The following ENTREP2 variants were observed in gnomAD, a reference collection of about 807,000 sequenced individuals.
The protein encoded by ENTREP2 is protein ENTREP2.
chr15:29,664,305 C>T, the ENTREP2 span, among the ~76,000 whole-genome samples: 4 of 152,178 alleles, frequency 2.6e-5, no homozygotes, highest in African/African-American at 9.7e-5. Context: ...AGCTAAATTC[C>T]TCTATCTCTT....
chr15:29,368,204 A>G, the ENTREP2 span, among the ~76,000 whole-genome samples: 1 of 151,976 alleles, frequency 6.6e-6, no homozygotes, highest in African/African-American at 2.4e-5. Context: ...ACATGCCTGT[A>G]ATTCCAGCTA....
At chr15:29,188,547 A>T in the ENTREP2 span, among the ~76,000 whole-genome samples, 2 of 152,106 alleles carry the variant, frequency 1.3e-5, no homozygotes, top group Non-Finnish European at 2.9e-5. Flanking sequence ...TCTGAGAATG[A>T]TGGTTTCCAG....
the ENTREP2 span, among the ~76,000 whole-genome samples, chr15:29,334,429 T>C: frequency 6.6e-6 from 1 of 152,212 alleles, no homozygotes; most frequent in Non-Finnish European, 1.5e-5. Flanking sequence ...CAGTTAAGAA[T>C]TTCCTAGCTG....
the ENTREP2 span, among the ~76,000 whole-genome samples, chr15:29,125,896 G>A: frequency 6.6e-6 from 1 of 152,190 alleles, no homozygotes; most frequent in African/African-American, 2.4e-5. Flanking sequence ...TGTCTGCGTG[G>A]GGCGGCTCCA....
At chr15:29,650,611 A>AC in the ENTREP2 span, among the ~76,000 whole-genome samples, 5 of 151,984 alleles carry the variant, frequency 3.3e-5, no homozygotes, top group South Asian at 2.1e-4. Context: ...CAAAAAACAA[A>AC]AAAAAAAAAT....
the ENTREP2 span, among the ~76,000 whole-genome samples, chr15:29,134,918 G>A: frequency 1.3e-5 from 2 of 152,130 alleles, no homozygotes; most frequent in African/African-American, 2.4e-5. Flanking sequence ...AGCAGACAGC[G>A]AGCAGCTGGC....
At chr15:29,464,696 T>C in the ENTREP2 span, among the ~76,000 whole-genome samples, 1 of 152,134 alleles carries the variant, frequency 6.6e-6, no homozygotes, top group African/African-American at 2.4e-5. Flanking sequence ...TCGTGGACCC[T>C]ATGAAGAGGA....
At chr15:29,538,706 G>A in the ENTREP2 span, among the ~76,000 whole-genome samples, 1 of 151,566 alleles carries the variant, frequency 6.6e-6, no homozygotes, top group African/African-American at 2.4e-5. Flanking sequence ...CTACTCAGGA[G>A]GCTGAGGCAG....
chr15:29,516,987 A>C, the ENTREP2 span, among the ~76,000 whole-genome samples: 3 of 150,658 alleles, frequency 2.0e-5, no homozygotes, highest in Non-Finnish European at 3.0e-5. Flanking sequence ...AAAAAAAAAA[A>C]CTACTGGACA....
At chr15:29,444,170 CAAAGA>C in the ENTREP2 span, among the ~76,000 whole-genome samples, 11 of 71,486 alleles carry the variant, frequency 1.5e-4, 1 homozygote, top group African/African-American at 3.9e-4. Flanking sequence ...GAAAGACAGA[CAAAGA>C]AAGAAAGAAA....
chr15:29,172,784 C>T, the ENTREP2 span, among the ~76,000 whole-genome samples: 3 of 152,132 alleles, frequency 2.0e-5, no homozygotes, highest in African/African-American at 7.2e-5. Flanking sequence ...ACCTCACCTG[C>T]AATCCTCCCT....
At chr15:29,376,129 T>C in the ENTREP2 span, 27 of 152,310 alleles carry the variant, frequency 1.8e-4, 1 homozygote, top group Admixed American at 1.6e-3. Context: ...TAATTTGTTA[T>C]TGGTAAAAAT....
the ENTREP2 span, among the ~76,000 whole-genome samples, chr15:29,606,589 T>C: frequency 6.6e-6 from 1 of 152,108 alleles, no homozygotes; most frequent in African/African-American, 2.4e-5. Context: ...TTTCCTTGAG[T>C]ATGTTAAATA....
the ENTREP2 span, among the ~76,000 whole-genome samples, chr15:29,413,725 T>C: frequency 6.6e-6 from 1 of 152,076 alleles, no homozygotes; most frequent in Non-Finnish European, 1.5e-5. Flanking sequence ...CTTCCTAAAA[T>C]GACAATGTCC....
the ENTREP2 span, among the ~76,000 whole-genome samples, chr15:29,508,828 T>C: frequency 6.6e-6 from 1 of 152,200 alleles, no homozygotes. Flanking sequence ...AGCATTCCCT[T>C]TGAAACCAGC....
At chr15:29,411,057 A>G in the ENTREP2 span, among the ~76,000 whole-genome samples, 1 of 152,196 alleles carries the variant, frequency 6.6e-6, no homozygotes, top group African/African-American at 2.4e-5. Flanking sequence ...TGCTGAGATT[A>G]CAGGCATGAG....
the ENTREP2 span, among the ~76,000 whole-genome samples, chr15:29,453,870 T>C: frequency 1.3e-5 from 2 of 152,216 alleles, no homozygotes; most frequent in African/African-American, 2.4e-5. Flanking sequence ...GGGAATGACA[T>C]AGTATAACCA....
the ENTREP2 span, among the ~76,000 whole-genome samples, chr15:29,545,206 G>A: frequency 2.0e-5 from 3 of 152,226 alleles, no homozygotes; most frequent in African/African-American, 7.2e-5. Context: ...GACTTTCCAT[G>A]ACAGTTGTTT....
the ENTREP2 span, among the ~76,000 whole-genome samples, chr15:29,546,801 G>A: frequency 6.6e-6 from 1 of 151,198 alleles, no homozygotes; most frequent in Non-Finnish European, 1.5e-5. Context: ...GCAGAAGAAT[G>A]GCATGAACCC....
Sources: allele counts gnomAD v4.1 joint callset (sites outside exome capture counted in the v4.1 genomes callset), GRCh38; gene constraint gnomAD v4.1.1; transcripts MANE v1.5; gene names NCBI Gene and HGNC (gene_info 2026-07-23, HGNC 2026-07-21).